The following LRP1B variants were observed in gnomAD, a reference collection of about 807,000 sequenced individuals.
LRP1B encodes LDL receptor related protein 1B.
A neutral mutation model predicts 556.6 loss-of-function variants in LRP1B; 217 were observed. That is an observed-to-expected ratio of 0.39 (90% CI 0.35 to 0.44). The LOEUF is 0.44. Among genes scored for constraint, LRP1B ranks in the 20% least tolerant of loss-of-function variants. LRP1B has a pLI of 1.00. For synonymous variants in LRP1B, 2,047 were observed against 1,865.8 expected, an observed-to-expected ratio of 1.10 and a Z score of -2.50; for missense variants, 5,053 against 5,620.8, an observed-to-expected ratio of 0.90 and a Z score of 3.23.
At chr2:141,374,813 A>T (rs1689368464) in intron 3 of LRP1B, among the ~76,000 whole-genome samples, 1 of 152,196 alleles carries the variant, frequency 6.6e-6, no homozygotes, top group South Asian at 2.1e-4. Context: ...TTTTTCTTAT[A>T]TCACATTGAG....
chr2:140,245,020 A>C (rs1681093090), intron 87 of LRP1B, among the ~76,000 whole-genome samples: 1 of 151,368 alleles, frequency 6.6e-6, no homozygotes. Context: ...TTCTCGAAGC[A>C]TAAATGTCTG....
At chr2:140,592,170 A>G (rs1396281665) in intron 43 of LRP1B, among the ~76,000 whole-genome samples, 1 of 152,196 alleles carries the variant, frequency 6.6e-6, no homozygotes, top group Non-Finnish European at 1.5e-5. Context: ...AAAGTTATTT[A>G]TAAAGGCAGA....
chr2:141,782,920 C>T (rs540294892), intron 2 of LRP1B, among the ~76,000 whole-genome samples: 7 of 152,038 alleles, frequency 4.6e-5, no homozygotes, highest in Admixed American at 1.3e-4. Flanking sequence ...AGGATGTAAA[C>T]AGGAGAAGAT....
At chr2:140,659,098 GTTTTTTTTTT>G (rs59651364) in intron 41 of LRP1B, among the ~76,000 whole-genome samples, 1,686 of 61,172 alleles carry the variant, frequency 0.028, 24 homozygotes, top group Non-Finnish European at 0.036. Context: ...CTGTAAATCT[GTTTTTTTTTT>G]TTTTTTTTTT....
At chr2:140,320,552 G>A (rs994750279) in intron 82 of LRP1B, among the ~76,000 whole-genome samples, 1 of 151,950 alleles carries the variant, frequency 6.6e-6, no homozygotes, top group Non-Finnish European at 1.5e-5. Flanking sequence ...ATTGGAAAAT[G>A]TTTGCTGTGA....
intron 59 of LRP1B, among the ~76,000 whole-genome samples, chr2:140,483,448 T>G (rs940005924): frequency 6.6e-6 from 1 of 151,438 alleles, no homozygotes; most frequent in Non-Finnish European, 1.5e-5. Flanking sequence ...AGACTGCTAT[T>G]AGCAAACAGG....
intron 43 of LRP1B, among the ~76,000 whole-genome samples, chr2:140,567,262 A>T (rs113862925): frequency 0.041 from 6,257 of 152,094 alleles, 442 homozygotes; most frequent in African/African-American, 0.14. Flanking sequence ...GCCATTTTGG[A>T]CTACTTACTG....
intron 43 of LRP1B, among the ~76,000 whole-genome samples, chr2:140,590,589 C>A (rs1214073228): frequency 6.6e-6 from 1 of 151,662 alleles, no homozygotes; most frequent in African/African-American, 2.4e-5. Flanking sequence ...TCCCCAGCCC[C>A]CAACCCAGTC....
Position 141,873,554 on chromosome 2 carries a change from A to C in LRP1B, c.83-63153T>G, listed in dbSNP as rs1321802933. Among the ~76,000 whole-genome samples, 3 of 152,114 alleles carry C rather than the reference A, an allele frequency of 2.0e-5. No homozygotes were observed. The East Asian group carries it at 5.8e-4, about 30-fold the overall frequency. On this transcript the variant is annotated intron_variant, in intron 1 of 90. Coordinates refer to ENST00000389484, the MANE Select transcript of LRP1B (RefSeq NM_018557.3). ...CTATTAGTATGACTTCATAATTAGA[A>C]AAAAATAATTTATGTGTCTGTGTTC...
At chr2:140,493,620 G>GA (rs374602746) in intron 56 of LRP1B, among the ~76,000 whole-genome samples, 6,208 of 149,552 alleles carry the variant, frequency 0.042, 167 homozygotes, top group Non-Finnish European at 0.047. Flanking sequence ...TTTGCCAAAT[G>GA]AAAAAACGTA....
At chr2:141,269,839 C>A (rs1685021593) in intron 3 of LRP1B, among the ~76,000 whole-genome samples, 1 of 151,968 alleles carries the variant, frequency 6.6e-6, no homozygotes, top group Non-Finnish European at 1.5e-5. Context: ...AATTAGCAGA[C>A]AAAGACTTCA....
intron 2 of LRP1B, among the ~76,000 whole-genome samples, chr2:141,585,647 T>C (rs1199154904): frequency 6.6e-6 from 1 of 152,206 alleles, no homozygotes; most frequent in Non-Finnish European, 1.5e-5. Context: ...GAAGTAACAC[T>C]GTTAATAATT....
At chr2:141,234,523 T>A (rs1337904204) in intron 5 of LRP1B, among the ~76,000 whole-genome samples, 1 of 151,908 alleles carries the variant, frequency 6.6e-6, no homozygotes, top group Non-Finnish European at 1.5e-5. Flanking sequence ...ACTACACACT[T>A]GCACCACCAT....
chr2:140,739,519 GGTACATGAGATTTTAAAA>G (rs1395574169), intron 35 of LRP1B, among the ~76,000 whole-genome samples: 1 of 152,024 alleles, frequency 6.6e-6, no homozygotes, highest in Non-Finnish European at 1.5e-5. Flanking sequence ...CTACCTCCCT[GGTACATGAGATTTTAAAA>G]GTACATGAGA....
chr2:141,853,704 T>A (rs983818264), intron 1 of LRP1B, among the ~76,000 whole-genome samples: 1 of 151,804 alleles, frequency 6.6e-6, no homozygotes, highest in Admixed American at 6.6e-5. Context: ...ATAAAAAAAA[T>A]AATGAGGCTA....
chr2:141,413,096 G>C (rs979175070), intron 3 of LRP1B, among the ~76,000 whole-genome samples: 1 of 152,132 alleles, frequency 6.6e-6, no homozygotes, highest in African/African-American at 2.4e-5. Context: ...ACATGGTGGT[G>C]CACACCCATA....
At chr2:141,133,863 T>C (rs935098675) in intron 7 of LRP1B, among the ~76,000 whole-genome samples, 1 of 151,964 alleles carries the variant, frequency 6.6e-6, no homozygotes, top group African/African-American at 2.4e-5. Flanking sequence ...TCCAGCTATC[T>C]CTCCGAAGGT....
chr2:141,226,183 A>C (rs1395222441), intron 6 of LRP1B, among the ~76,000 whole-genome samples: 2 of 152,044 alleles, frequency 1.3e-5, no homozygotes, highest in Admixed American at 1.3e-4. Context: ...CATATTCAAT[A>C]AAGTTAAAAT....
At chr2:140,449,247 AT>A (rs1686789096) in intron 63 of LRP1B, among the ~76,000 whole-genome samples, 1 of 152,110 alleles carries the variant, frequency 6.6e-6, no homozygotes, top group Non-Finnish European at 1.5e-5. Context: ...AGAATTACAA[AT>A]GTAAGTTGCA....
Sources: allele counts gnomAD v4.1 joint callset (sites outside exome capture counted in the v4.1 genomes callset), GRCh38; gene constraint gnomAD v4.1.1; transcripts MANE v1.5; gene names NCBI Gene and HGNC (gene_info 2026-07-23, HGNC 2026-07-21).